Variants in DERA observed in about 807,000 individuals in gnomAD.
DERA encodes deoxyribose-phosphate aldolase.
In DERA, 15 loss-of-function variants were observed where a neutral mutation model predicts 41.1. The observed-to-expected ratio is 0.37, with a 90% CI of 0.24 to 0.56. The LOEUF is 0.56. Among genes scored for constraint, DERA ranks in the 20% least tolerant of loss-of-function variants. The pLI is 0.81. For synonymous variants in DERA, 139 were observed against 137.4 expected (o/e 1.01, Z -0.08); for missense variants, 396 against 403.4 (o/e 0.98, Z 0.16).
intron 6 of DERA, among the ~76,000 whole-genome samples, chr12:16,030,949 T>G (rs1206752267): frequency 6.6e-6 from 1 of 152,252 alleles, no homozygotes; most frequent in Non-Finnish European, 1.5e-5. Flanking sequence ...TGACCTGCTC[T>G]GATGCATCAG....
chr12:15,967,167 T>C lies in DERA; in HGVS notation c.508+4220T>C, dbSNP rs1185844847. Among the ~76,000 whole-genome samples the C allele has an allele frequency of 1.3e-5, 2 of 151,460 alleles. No individual in the cohort carries two copies. Among genetic ancestry groups the C allele is most frequent in the Non-Finnish European group, 2.9e-5 (2 of 67,924 alleles). On this transcript the variant is annotated intron_variant, in intron 5 of 8. Transcript: ENST00000428559. The surrounding 1 kb of genome is among the most constrained non-coding windows in gnomAD (Gnocchi z 4.9). ...GAGTTCAAGACCAGTCTGGGCAACA[T>C]GGCAAAACCCCATCTCTGCATAAAA...
At chr12:16,015,642 T>C (rs1468027253) in intron 6 of DERA, among the ~76,000 whole-genome samples, 1 of 152,180 alleles carries the variant, frequency 6.6e-6, no homozygotes, top group Admixed American at 6.5e-5. Context: ...ATCTATGGAG[T>C]GAAGTATCAT....
chr12:15,953,876 A>T (rs1244724916), intron 1 of DERA, among the ~76,000 whole-genome samples: 2 of 152,214 alleles, frequency 1.3e-5, no homozygotes, highest in African/African-American at 4.8e-5. Flanking sequence ...ATAAAACGAG[A>T]TAGTCACTTA....
rs1948398111 is a variant in DERA, at chr12:15,940,060, CA to C, written c.32-16874del. ...AGAACATATTTTTACCATGATACTA[CA>C]ACAAAATTTGTATCCATGTTGTCAC... On this transcript the variant is annotated intron_variant, in intron 1 of 8. Coordinates refer to ENST00000428559, the MANE Select transcript of DERA (RefSeq NM_015954.4). This position sits in a 1 kb window ranked among gnomAD's most constrained non-coding sequence, Gnocchi z 5.1. 6.6e-6 allele frequency among the ~76,000 whole-genome samples: 1 copy of C among 152,164 alleles called. No homozygotes were observed. The highest frequency in any genetic ancestry group is 2.4e-5 in the African/African-American group (1 of 41,460).
At chr12:15,948,240 A>G (rs145603422) in intron 1 of DERA, among the ~76,000 whole-genome samples, 6 of 152,234 alleles carry the variant, frequency 3.9e-5, no homozygotes, top group East Asian at 1.9e-4. Flanking sequence ...CTGAATTTGA[A>G]TGTTGGCCTG....
chr12:15,947,802 A>C (rs1033471159), intron 1 of DERA, among the ~76,000 whole-genome samples: 3 of 152,140 alleles, frequency 2.0e-5, no homozygotes, highest in African/African-American at 7.2e-5. Flanking sequence ...TCTTCCTAGC[A>C]TTGACGGTCT....
intron 1 of DERA, among the ~76,000 whole-genome samples, chr12:15,930,523 A>G (rs958871104): frequency 2.0e-5 from 3 of 152,182 alleles, no homozygotes; most frequent in Non-Finnish European, 4.4e-5. Flanking sequence ...GTACCATCCT[A>G]TGACTATTTT....
At chr12:15,958,514 C>CTT (rs78571301) in intron 3 of DERA, among the ~76,000 whole-genome samples, 179 bp downstream of exon 3, 8 of 124,096 alleles carry the variant, frequency 6.4e-5, no homozygotes, top group African/African-American at 2.1e-4. Flanking sequence ...GAATCTGAGT[C>CTT]TTTTTTTTTT....
chr12:15,992,084 C>A lies in DERA; in HGVS notation c.637+9648C>A, dbSNP rs200206156. Among the ~76,000 whole-genome samples, 6 of 136,520 alleles carry A rather than the reference C, an allele frequency of 4.4e-5. No individual in the cohort carries two copies. Among genetic ancestry groups the A allele is most frequent in the Non-Finnish European group, 9.4e-5 (6 of 63,812 alleles). The allele number at this position is 136,520 out of a possible 152,430, so 89.6% of individuals were successfully genotyped here. Reference sequence around the variant, plus strand: ...TACCTGTTAGATTTTTTTTTTTTTTCAAAACTGTGCTCTTCCCTGGGCTAA... The same window carrying A: ...TACCTGTTAGATTTTTTTTTTTTTTAAAAACTGTGCTCTTCCCTGGGCTAA... On this transcript the variant is annotated intron_variant, in intron 6 of 8. Transcript: ENST00000428559. The surrounding 1 kb of genome is among the most constrained non-coding windows in gnomAD (Gnocchi z 4.3).
chr12:16,007,758 T>C (rs188865929), intron 6 of DERA, among the ~76,000 whole-genome samples: 4 of 152,316 alleles, frequency 2.6e-5, no homozygotes, highest in African/African-American at 7.2e-5. Flanking sequence ...TTTTAAGACT[T>C]GTACCTTAGT....
At position 15,938,268 on chromosome 12, in the gene DERA, GC is replaced by G. The variant is rs1483840925; in HGVS notation, c.32-18667del. Among the ~76,000 whole-genome samples the G allele has an allele frequency of 1.3e-5, 2 of 152,080 alleles. No individual in the cohort carries two copies. Among genetic ancestry groups the G allele is most frequent in the Admixed American group, 6.5e-5 (1 of 15,270 alleles). On this transcript the variant is annotated intron_variant, in intron 1 of 8. Coordinates refer to ENST00000428559, the MANE Select transcript of DERA (RefSeq NM_015954.4). This position sits in a 1 kb window ranked among gnomAD's most constrained non-coding sequence, Gnocchi z 4.1. ...TAGACACTTTTGACAGCAAAAGGGA[GC>G]ACTAAAAATACTTAAAATTATATAA...
rs181405647 is a variant in DERA, at chr12:15,940,341, T to A, written c.32-16595T>A. ...TTAATAACTACTGCTTTCCTTTTTT[T>A]ATTTTATTTTATTATTATTTTTTTA... On this transcript the variant is annotated intron_variant, in intron 1 of 8. Coordinates refer to ENST00000428559, the MANE Select transcript of DERA (RefSeq NM_015954.4). The surrounding 1 kb of genome is among the most constrained non-coding windows in gnomAD (Gnocchi z 5.1). Among the ~76,000 whole-genome samples the A allele has an allele frequency of 5.3e-3, 806 of 152,232 alleles. 11 individuals are homozygous for A. Among genetic ancestry groups the A allele is most frequent in the African/African-American group, 0.019 (774 of 41,550 alleles).
In DERA at chr12:15,928,595, G is replaced by T. The variant is rs1948304353; in HGVS notation, c.31+17181G>T. Among the ~76,000 whole-genome samples, 1 of 152,176 alleles carries T rather than the reference G, an allele frequency of 6.6e-6. No homozygotes were observed. Among genetic ancestry groups the T allele is most frequent in the South Asian group, 2.1e-4 (1 of 4,830 alleles). On this transcript the variant is annotated intron_variant, in intron 1 of 8. Coordinates refer to ENST00000428559, the MANE Select transcript of DERA (RefSeq NM_015954.4). The surrounding 1 kb of genome is among the most constrained non-coding windows in gnomAD (Gnocchi z 4.6). ...AGGACAGCCCTTATGAAGTAGGGGA[G>T]ATTTTGCCTGTGGGTGTGTTGGACT...
intron 1 of DERA, among the ~76,000 whole-genome samples, chr12:15,932,365 T>A (rs149291055): frequency 2.0e-5 from 3 of 152,246 alleles, no homozygotes; most frequent in Non-Finnish European, 4.4e-5. Context: ...CACTATAATT[T>A]GTTGGCTGGA....
chr12:15,991,303 G>A (rs1368444064), intron 6 of DERA, among the ~76,000 whole-genome samples: 2 of 152,100 alleles, frequency 1.3e-5, no homozygotes, highest in African/African-American at 2.4e-5. Flanking sequence ...TAATGGGGTT[G>A]TTTGCTTTTT....
chr12:15,932,505 C>G (rs1403652193), intron 1 of DERA, among the ~76,000 whole-genome samples: 1 of 151,912 alleles, frequency 6.6e-6, no homozygotes, highest in Non-Finnish European at 1.5e-5. Flanking sequence ...CAAAAATTAG[C>G]TGGGTGTGGT....
rs1448947580 is a variant in DERA at position 15,915,841 on chromosome 12, A to AG, written c.31+4430dup. ...TTTACACACGAGCAAACTGAGGTACAGGGAGTTTTAAGTAACCTGCCGAAA... is the reference window on the plus strand; with the variant it reads ...TTTACACACGAGCAAACTGAGGTACAGGGGAGTTTTAAGTAACCTGCCGAAA... On this transcript the variant is annotated intron_variant, in intron 1 of 8. Transcript: ENST00000428559. This position sits in a 1 kb window ranked among gnomAD's most constrained non-coding sequence, Gnocchi z 4.8. Among the ~76,000 whole-genome samples the AG allele has an allele frequency of 6.6e-6, 1 of 152,218 alleles. No homozygotes were observed. Among genetic ancestry groups the AG allele is most frequent in the African/African-American group, 2.4e-5 (1 of 41,456 alleles).
At chr12:16,027,399 C>A (rs1181632545) in intron 6 of DERA, among the ~76,000 whole-genome samples, 2 of 152,192 alleles carry the variant, frequency 1.3e-5, no homozygotes, top group African/African-American at 2.4e-5. Flanking sequence ...GAATGTTACC[C>A]TCTTTGGGAA....
intron 1 of DERA, among the ~76,000 whole-genome samples, chr12:15,932,903 T>A (rs962371819): frequency 6.6e-6 from 1 of 152,206 alleles, no homozygotes; most frequent in African/African-American, 2.4e-5. Context: ...TGAATTCAGC[T>A]TTTTTAGAGT....
Sources: gnomAD v4.1 joint callset for allele counts (sites outside exome capture counted in the v4.1 genomes callset) on GRCh38, gnomAD v4.1.1 for gene constraint, Gnocchi (gnomAD v3.1) non-coding constraint, MANE v1.5 for transcripts, NCBI Gene and HGNC (gene_info 2026-07-23, HGNC 2026-07-21) for gene names.